Variants in CPNE4 observed in about 807,000 individuals in gnomAD.
CPNE4 encodes the protein copine 4, also known as copine-4.
In CPNE4, 25 loss-of-function variants were observed where a neutral mutation model predicts 67.9. That is an observed-to-expected ratio of 0.37 (90% CI 0.27 to 0.51). The LOEUF (loss-of-function observed/expected upper bound fraction) is 0.51. Ranked by LOEUF, CPNE4 falls within the 20% of genes least tolerant of loss-of-function variation. CPNE4 has a pLI of 0.93. For synonymous variants in CPNE4, 242 were observed against 244.9 expected (o/e 0.99, Z 0.11); for missense variants, 464 against 690.8 (o/e 0.67, Z 3.68).
chr3:131,909,697 G>A (rs893929408), intron 1 of CPNE4, among the ~76,000 whole-genome samples: 1 of 151,890 alleles, frequency 6.6e-6, no homozygotes, highest in Non-Finnish European at 1.5e-5. Flanking sequence ...TTATAATAGT[G>A]GCAATCTTAT....
intron 2 of CPNE4, among the ~76,000 whole-genome samples, chr3:131,829,465 G>T (rs1031062457): frequency 1.3e-5 from 2 of 152,140 alleles, no homozygotes; most frequent in African/African-American, 2.4e-5. Flanking sequence ...TTGAGGTAGG[G>T]ACAGTATCTT....
chr3:131,870,376 T>C (rs1343385987), intron 2 of CPNE4, among the ~76,000 whole-genome samples: 1 of 152,152 alleles, frequency 6.6e-6, no homozygotes, highest in African/African-American at 2.4e-5. Flanking sequence ...ACAGAAGCCA[T>C]ACTTACACAG....
At chr3:131,993,083 G>C (rs1275467190) in intron 1 of CPNE4, among the ~76,000 whole-genome samples, 1 of 135,728 alleles carries the variant, frequency 7.4e-6, no homozygotes, top group Non-Finnish European at 1.7e-5. Context: ...GATAATGGAG[G>C]ATAAGGCACA....
chr3:131,654,302 G>C (rs1200761975), intron 7 of CPNE4, among the ~76,000 whole-genome samples: 1 of 151,904 alleles, frequency 6.6e-6, no homozygotes, highest in Non-Finnish European at 1.5e-5. Flanking sequence ...TTGTTATATA[G>C]GCAAACTTGT....
chr3:131,977,770 T>G (rs930800150), intron 1 of CPNE4, among the ~76,000 whole-genome samples: 1 of 151,912 alleles, frequency 6.6e-6, no homozygotes, highest in Non-Finnish European at 1.5e-5. Flanking sequence ...GAGATTTTGG[T>G]GCACCCATCA....
intron 1 of CPNE4, among the ~76,000 whole-genome samples, chr3:131,952,598 C>T (rs182703609): frequency 0.057 from 3,408 of 59,588 alleles, 120 homozygotes; most frequent in South Asian, 0.16. Flanking sequence ...CCCGGCCAGC[C>T]GCCCCGTCCG....
intron 2 of CPNE4, among the ~76,000 whole-genome samples, chr3:131,824,174 ATAAAT>A (rs199639470): frequency 0.032 from 4,807 of 152,186 alleles, 184 homozygotes; most frequent in South Asian, 0.095. Flanking sequence ...AATTCTTTAT[ATAAAT>A]AAAGAAAGGT....
chr3:131,916,334 G>A (rs1463206257), intron 1 of CPNE4, among the ~76,000 whole-genome samples: 2 of 121,758 alleles, frequency 1.6e-5, no homozygotes, highest in African/African-American at 3.2e-5. Context: ...CGTGGATTTT[G>A]TGTTTCCAGT....
chr3:131,671,803 C>T (rs2080425528), intron 6 of CPNE4, among the ~76,000 whole-genome samples: 1 of 152,018 alleles, frequency 6.6e-6, no homozygotes, highest in African/African-American at 2.4e-5. Flanking sequence ...AAGAATTTAT[C>T]CTTTATGTTA....
intron 5 of CPNE4, among the ~76,000 whole-genome samples, chr3:131,687,787 G>A (rs1373106456): frequency 6.6e-6 from 1 of 152,178 alleles, no homozygotes; most frequent in African/African-American, 2.4e-5. Context: ...GTACCATCTA[G>A]GTTGCTGGTA....
chr3:131,896,734 A>G (rs1383742028), intron 2 of CPNE4, among the ~76,000 whole-genome samples: 1 of 152,014 alleles, frequency 6.6e-6, no homozygotes, highest in Non-Finnish European at 1.5e-5. Flanking sequence ...CCTCCATTGT[A>G]CTTGATACCT....
At chr3:131,849,562 C>A (rs1429136169) in intron 2 of CPNE4, among the ~76,000 whole-genome samples, 1 of 152,080 alleles carries the variant, frequency 6.6e-6, no homozygotes, top group African/African-American at 2.4e-5. Context: ...TCCCACCAAG[C>A]CCCTCTTCTA....
chr3:131,682,863 C>T (rs907481386), intron 6 of CPNE4, among the ~76,000 whole-genome samples: 4 of 152,034 alleles, frequency 2.6e-5, no homozygotes, highest in Admixed American at 2.0e-4. Flanking sequence ...CAAAGTTTTT[C>T]CCACTCTTCC....
chr3:131,534,021 T>A lies in CPNE4; in HGVS notation c.*1174A>T, dbSNP rs1427621021. 2 of 152,154 alleles carry A rather than the reference T, an allele frequency of 1.3e-5. No individual in the cohort carries two copies. The highest frequency in any genetic ancestry group is 2.9e-5 in the Non-Finnish European group (2 of 68,016). 9.4% of individuals were successfully genotyped at this position (152,154 alleles called of 1,614,324 possible). On this transcript the variant is annotated 3_prime_UTR_variant, in exon 16 of 16. Transcript: ENST00000429747. Reference sequence around the variant, plus strand: ...AAGTGATAGAAAGGAGGCAAGAAATTCCCACACTAAGCTCAAAGGTCAATT... The same window carrying A: ...AAGTGATAGAAAGGAGGCAAGAAATACCCACACTAAGCTCAAAGGTCAATT...
chr3:131,859,738 T>C (rs2086596171), intron 2 of CPNE4, among the ~76,000 whole-genome samples: 1 of 152,208 alleles, frequency 6.6e-6, no homozygotes, highest in African/African-American at 2.4e-5. Context: ...CCACTGCAGA[T>C]GACAAGTGTC....
At chr3:131,945,656 C>T (rs1030829415) in intron 1 of CPNE4, among the ~76,000 whole-genome samples, 5 of 152,168 alleles carry the variant, frequency 3.3e-5, no homozygotes, top group Non-Finnish European at 5.9e-5. Flanking sequence ...AGTCTGAAAG[C>T]TCTTTCTACC....
At chr3:132,026,854 C>T (rs1017038804) in intron 1 of CPNE4, among the ~76,000 whole-genome samples, 7 of 135,416 alleles carry the variant, frequency 5.2e-5, no homozygotes, top group African/African-American at 2.0e-4. Context: ...ATGGTTTAAT[C>T]TCCATTTTTA....
intron 1 of CPNE4, among the ~76,000 whole-genome samples, chr3:131,969,024 C>A (rs1053046656): frequency 1.3e-5 from 2 of 151,734 alleles, no homozygotes; most frequent in Non-Finnish European, 2.9e-5. Flanking sequence ...TACTATGATG[C>A]CATAAAAAAG....
At chr3:131,748,696 A>G (rs184599571) in intron 2 of CPNE4, among the ~76,000 whole-genome samples, 17 of 152,244 alleles carry the variant, frequency 1.1e-4, no homozygotes, top group Admixed American at 8.5e-4. Flanking sequence ...CAAATGCCAA[A>G]TGTCAAATTT....
Sources: allele counts gnomAD v4.1 joint callset (sites outside exome capture counted in the v4.1 genomes callset), GRCh38; gene constraint gnomAD v4.1.1; transcripts MANE v1.5; gene names NCBI Gene and HGNC (gene_info 2026-07-23, HGNC 2026-07-21).